The following WWOX variants were observed in gnomAD, a reference collection of about 807,000 sequenced individuals.
The protein encoded by WWOX is WW domain-containing oxidoreductase.
In WWOX, 69 loss-of-function variants were observed where a neutral mutation model predicts 46.2. The ratio of observed to expected loss-of-function variants is 1.49; its 90% CI spans 1.23 to 1.82. The LOEUF (loss-of-function observed/expected upper bound fraction) is 1.82. Among genes scored for constraint, WWOX ranks in the 40% most tolerant of loss-of-function variants. WWOX has a pLI of 0.00. For synonymous variants in WWOX, 359 were observed against 202.6 expected, an observed-to-expected ratio of 1.77 and a Z score of -6.56; for missense variants, 919 against 542.6, an observed-to-expected ratio of 1.69 and a Z score of -6.89.
At chr16:78,615,597 C>A (rs965139144) in intron 8 of WWOX, among the ~76,000 whole-genome samples, 1 of 151,924 alleles carries the variant, frequency 6.6e-6, no homozygotes, top group African/African-American at 2.4e-5. Flanking sequence ...TTGGAGGTTG[C>A]TGCAGCTATG....
chr16:79,135,664 A>G lies in WWOX; in HGVS notation c.1057-75944A>G, dbSNP rs75138740. Among the ~76,000 whole-genome samples the G allele has an allele frequency of 6.5e-3, 997 of 152,264 alleles. 10 individuals are homozygous for G. Among genetic ancestry groups the G allele is most frequent in the African/African-American group, 0.023 (964 of 41,534 alleles). On this transcript the variant is annotated intron_variant, in intron 8 of 8. Transcript: ENST00000566780. The stretch of plus-strand genomic sequence containing the variant: ...GATATTTCAGTATTGACCTCCCAAA[A>G]TGTATTCACACACCCACCAAATCTA...
intron 8 of WWOX, among the ~76,000 whole-genome samples, chr16:78,631,081 G>T (rs191138201): frequency 2.2e-3 from 341 of 152,206 alleles, no homozygotes; most frequent in Non-Finnish European, 3.3e-3. Flanking sequence ...GATTTAAAGT[G>T]TACAGGAGCA....
At chr16:78,386,638 C>G (rs1172209738) in intron 5 of WWOX, among the ~76,000 whole-genome samples, 8 of 147,736 alleles carry the variant, frequency 5.4e-5, no homozygotes, top group African/African-American at 2.0e-4. Context: ...CCCGCCCCAC[C>G]CCCCAGCCTG....
At position 79,212,268 on chromosome 16, in the gene WWOX, A is replaced by G; in HGVS notation, c.*472A>G. The stretch of plus-strand genomic sequence containing the variant: ...GATCCAGGAGATAATTGTTTCATTC[A>G]TCCTGACCAAGACTGAGCCAGCTTA... On this transcript the variant is annotated 3_prime_UTR_variant, in exon 9 of 9. Coordinates refer to ENST00000566780, the MANE Select transcript of WWOX (RefSeq NM_016373.4). 1.6e-6 allele frequency: 2 copies of G among 1,263,746 alleles called. No individual in the cohort carries two copies. Among genetic ancestry groups the G allele is most frequent in the Admixed American group, 2.9e-5 (1 of 34,786 alleles). 78.3% of individuals were successfully genotyped at this position (1,263,746 alleles called of 1,614,324 possible).
chr16:79,170,785 C>G (rs1010457358), intron 8 of WWOX, among the ~76,000 whole-genome samples: 1 of 151,774 alleles, frequency 6.6e-6, no homozygotes, highest in South Asian at 2.1e-4. Flanking sequence ...AGGTAATTTG[C>G]AAGGTCATCC....
At chr16:78,358,866 C>CTTTTTT (rs57364873) in intron 5 of WWOX, among the ~76,000 whole-genome samples, 3,744 of 120,738 alleles carry the variant, frequency 0.031, 147 homozygotes, top group Middle Eastern at 0.059. Context: ...ACACTGTGGT[C>CTTTTTT]TTTTTTTTTT....
At chr16:78,365,893 T>C (rs1480404034) in intron 5 of WWOX, among the ~76,000 whole-genome samples, 1 of 152,190 alleles carries the variant, frequency 6.6e-6, no homozygotes, top group African/African-American at 2.4e-5. Flanking sequence ...ATTATTTTGT[T>C]ATTGTTGTTT....
chr16:78,380,334 A>G (rs1386048199), intron 5 of WWOX, among the ~76,000 whole-genome samples: 1 of 152,206 alleles, frequency 6.6e-6, no homozygotes, highest in East Asian at 1.9e-4. Context: ...TATTATCTTG[A>G]TGCGGCTGTG....
chr16:79,041,402 C>G (rs565659301), intron 8 of WWOX, among the ~76,000 whole-genome samples: 2 of 152,158 alleles, frequency 1.3e-5, no homozygotes, highest in Non-Finnish European at 2.9e-5. Flanking sequence ...TTCCACCCAC[C>G]ACGCCCCTTG....
chr16:78,701,847 G>C (rs578163385), intron 8 of WWOX, among the ~76,000 whole-genome samples: 4 of 151,302 alleles, frequency 2.6e-5, no homozygotes, highest in Non-Finnish European at 5.9e-5. Context: ...AGCTCTCAGC[G>C]TAAAGCAGTC....
chr16:78,281,750 T>C (rs967661535), intron 5 of WWOX, among the ~76,000 whole-genome samples: 4 of 151,932 alleles, frequency 2.6e-5, no homozygotes, highest in Admixed American at 1.3e-4. Flanking sequence ...CATTTAAAAA[T>C]GTGAAGCATT....
At chr16:78,327,524 C>T (rs1281318698) in intron 5 of WWOX, among the ~76,000 whole-genome samples, 1 of 152,152 alleles carries the variant, frequency 6.6e-6, no homozygotes, top group Non-Finnish European at 1.5e-5. Context: ...ATGGAGCGCT[C>T]AGCAAATACA....
At chr16:79,167,529 T>C (rs1209119637) in intron 8 of WWOX, among the ~76,000 whole-genome samples, 5 of 152,134 alleles carry the variant, frequency 3.3e-5, no homozygotes, top group African/African-American at 9.7e-5. Flanking sequence ...CTAGATGTTT[T>C]GCTTCCAGAG....
At chr16:78,578,295 T>TTTTTTA in intron 8 of WWOX, among the ~76,000 whole-genome samples, 1 of 101,200 alleles carries the variant, frequency 9.9e-6, no homozygotes, top group African/African-American at 4.0e-5. Context: ...TTTTTTTTTT[T>TTTTTTA]TTTTTTTTTT....
At chr16:78,334,279 A>G (rs1052991984) in intron 5 of WWOX, among the ~76,000 whole-genome samples, 1 of 152,178 alleles carries the variant, frequency 6.6e-6, no homozygotes, top group Admixed American at 6.5e-5. Flanking sequence ...ACGGGCTCTC[A>G]CCCTCCTCCG....
intron 8 of WWOX, among the ~76,000 whole-genome samples, chr16:78,874,669 C>T (rs1456411948): frequency 6.7e-6 from 1 of 148,704 alleles, no homozygotes; most frequent in East Asian, 2.0e-4. Flanking sequence ...GTGTCTGTGA[C>T]CAGAAGATTT....
At chr16:78,903,368 T>C (rs1450711873) in intron 8 of WWOX, among the ~76,000 whole-genome samples, 1 of 152,132 alleles carries the variant, frequency 6.6e-6, no homozygotes, top group Non-Finnish European at 1.5e-5. Flanking sequence ...AGTTGCTCTT[T>C]TATGCAAACG....
At chr16:78,387,194 C>T (rs548580040) in intron 6 of WWOX, among the ~76,000 whole-genome samples, 6 of 152,136 alleles carry the variant, frequency 3.9e-5, no homozygotes, top group Non-Finnish European at 8.8e-5. Flanking sequence ...TATTAAAGCA[C>T]TAGTAAAAGT....
At position 79,211,641 on chromosome 16, in the gene WWOX, G is replaced by A; in HGVS notation, c.1090G>A (p.Ala364Thr). The change falls in exon 9 of 9, where the codon GCT becomes ACT. Residue 364 changes from alanine to threonine, a missense_variant. By Grantham distance (58) the Ala-to-Thr change is moderately conservative. Transcript: ENST00000566780. ...QGAATTVYCA[A>T]VPELEGLGGM... ...AGCTGCCACCACCGTGTACTGTGCT[G>A]CTGTCCCAGAACTGGAGGGTCTGGG... The A allele has an allele frequency of 6.2e-7, 1 of 1,614,184 alleles. No individual in the cohort carries two copies. Among genetic ancestry groups the A allele is most frequent in the Non-Finnish European group, 8.5e-7 (1 of 1,180,044 alleles).
Sources: allele counts gnomAD v4.1 joint callset (sites outside exome capture counted in the v4.1 genomes callset), GRCh38; gene constraint gnomAD v4.1.1; transcripts MANE v1.5; gene names NCBI Gene and HGNC (gene_info 2026-07-23, HGNC 2026-07-21).